Variants in SHISA6 observed in about 807,000 individuals in gnomAD.
SHISA6 encodes shisa family member 6, also known as protein shisa-6.
SHISA6 carries 22 observed loss-of-function variants against 47.9 expected under a neutral mutation model. The observed-to-expected ratio is 0.46, with a 90% CI of 0.33 to 0.66. The LOEUF (loss-of-function observed/expected upper bound fraction) is 0.66, where lower values mean the gene tolerates loss of function less well. Ranked by LOEUF, SHISA6 falls within the 30% of genes least tolerant of loss-of-function variation. The pLI, the probability that SHISA6 is intolerant of heterozygous loss-of-function variation, is 0.02. For missense variants in SHISA6, 680 were observed against 764.6 expected, an observed-to-expected ratio of 0.89 and a Z score of 1.30; for synonymous variants, 388 against 337.8, an observed-to-expected ratio of 1.15 and a Z score of -1.63.
intron 3 of SHISA6, among the ~76,000 whole-genome samples, chr17:11,497,604 T>A (rs2071419400): frequency 2.0e-5 from 3 of 152,208 alleles, no homozygotes; most frequent in Admixed American, 2.0e-4. Context: ...AGCAAACATT[T>A]GTTCAAAATC....
At chr17:11,444,058 C>T (rs1314442960) in intron 3 of SHISA6, among the ~76,000 whole-genome samples, 3 of 152,116 alleles carry the variant, frequency 2.0e-5, no homozygotes, top group African/African-American at 7.2e-5. Context: ...GTGGCTCACA[C>T]CTGTAATCCC....
chr17:11,439,628 G>C (rs1457670470), intron 3 of SHISA6, among the ~76,000 whole-genome samples: 1 of 152,142 alleles, frequency 6.6e-6, no homozygotes, highest in Non-Finnish European at 1.5e-5. Context: ...AATTCTAAAT[G>C]CCATCTACAA....
chr17:11,253,272 C>T (rs952478082), intron 1 of SHISA6, among the ~76,000 whole-genome samples: 1 of 151,286 alleles, frequency 6.6e-6, no homozygotes, highest in African/African-American at 2.4e-5. Context: ...GATTTAGATG[C>T]CACTAATTCA....
At chr17:11,383,900 A>G (rs1913113274) in intron 3 of SHISA6, among the ~76,000 whole-genome samples, 1 of 152,168 alleles carries the variant, frequency 6.6e-6, no homozygotes. Flanking sequence ...CCAACACTGG[A>G]ACCCAGAATG....
At chr17:11,322,335 T>C (rs1910743198) in intron 2 of SHISA6, among the ~76,000 whole-genome samples, 1 of 152,218 alleles carries the variant, frequency 6.6e-6, no homozygotes, top group Admixed American at 6.5e-5. Context: ...CACCTAGATA[T>C]TCAGGTTTCC....
chr17:11,550,447 A>G (rs2071921401), intron 3 of SHISA6, among the ~76,000 whole-genome samples: 1 of 152,190 alleles, frequency 6.6e-6, no homozygotes, highest in South Asian at 2.1e-4. Context: ...GGGAATTCAC[A>G]GGATTTGTCT....
chr17:11,526,880 C>CATATAT (rs149856154), intron 3 of SHISA6, among the ~76,000 whole-genome samples: 25 of 111,902 alleles, frequency 2.2e-4, no homozygotes, highest in Non-Finnish European at 3.5e-4. Flanking sequence ...TATCTATCAT[C>CATATAT]ATATATATAT....
Position 11,292,269 on chromosome 17 carries a change from A to G in SHISA6, c.799+28743A>G, listed in dbSNP as rs1425557260. ...GGCATTAACATATGAATTTTGTCAT[A>G]ATGCCCTCCCTCCCCTTTCCCCCTA... On this transcript the variant is annotated intron_variant, in intron 2 of 5. Coordinates refer to ENST00000441885, the MANE Select transcript of SHISA6 (RefSeq NM_207386.4). 2.0e-5 allele frequency among the ~76,000 whole-genome samples: 3 copies of G among 152,100 alleles called. No individual in the cohort carries two copies. In the East Asian group the frequency reaches 5.8e-4, roughly 29 times the overall value.
intron 3 of SHISA6, among the ~76,000 whole-genome samples, chr17:11,482,083 G>GA (rs1916237488): frequency 6.6e-6 from 1 of 151,968 alleles, no homozygotes; most frequent in Non-Finnish European, 1.5e-5. Context: ...TAGGAGACCA[G>GA]AAAAATGGAA....
intron 2 of SHISA6, among the ~76,000 whole-genome samples, chr17:11,282,929 G>A (rs965199787): frequency 1.3e-5 from 2 of 152,274 alleles, no homozygotes; most frequent in African/African-American, 2.4e-5. Context: ...TTTATAGAGT[G>A]GAGAGCTCAA....
At chr17:11,316,748 T>G (rs1339548474) in intron 2 of SHISA6, among the ~76,000 whole-genome samples, 2 of 152,182 alleles carry the variant, frequency 1.3e-5, no homozygotes, top group Non-Finnish European at 2.9e-5. Context: ...AGACTTAGTT[T>G]CGTTCATTCT....
At chr17:11,459,005 A>G (rs922104796) in intron 3 of SHISA6, among the ~76,000 whole-genome samples, 7 of 151,842 alleles carry the variant, frequency 4.6e-5, no homozygotes, top group Non-Finnish European at 8.8e-5. Flanking sequence ...GGATCAGGAG[A>G]TCGAGACCAT....
intron 3 of SHISA6, among the ~76,000 whole-genome samples, chr17:11,531,640 A>C (rs2071734049): frequency 6.6e-6 from 1 of 152,194 alleles, no homozygotes. Context: ...AATATATGTA[A>C]AGAACCTAGT....
intron 2 of SHISA6, among the ~76,000 whole-genome samples, chr17:11,363,472 G>A (rs55675528): frequency 0.16 from 24,126 of 152,102 alleles, 2,032 homozygotes; most frequent in East Asian, 0.23. Flanking sequence ...GTTTTCTACT[G>A]AAAGAGTAAA....
chr17:11,446,500 C>T (rs1915241932), intron 3 of SHISA6, among the ~76,000 whole-genome samples: 2 of 152,210 alleles, frequency 1.3e-5, no homozygotes, highest in African/African-American at 4.8e-5. Flanking sequence ...TAGAATAGAA[C>T]ATTTCTAATC....
intron 3 of SHISA6, among the ~76,000 whole-genome samples, chr17:11,484,787 A>G (rs1442676180): frequency 6.6e-6 from 1 of 152,212 alleles, no homozygotes; most frequent in Admixed American, 6.5e-5. Flanking sequence ...AACATTATAA[A>G]AACTTTAAAA....
intron 3 of SHISA6, among the ~76,000 whole-genome samples, chr17:11,432,123 C>G (rs1322250578): frequency 6.6e-6 from 1 of 152,118 alleles, no homozygotes; most frequent in Non-Finnish European, 1.5e-5. Context: ...GTTGAGAGAT[C>G]AGAGAAGAAA....
rs1055134655 is a variant in SHISA6, at chr17:11,557,742, T to C, written c.1106-12T>C. ...CCCAGTTGCCTTCTCTCACTCTGTC[T>C]CTCCCCTGCAGCCGACAAGGAGGCT... is the stretch of plus-strand genomic sequence containing the variant. On this transcript the variant is annotated splice_polypyrimidine_tract_variant and intron_variant, in intron 5 of 5. Coordinates refer to ENST00000441885, the MANE Select transcript of SHISA6 (RefSeq NM_207386.4). 2.6e-6 allele frequency: 4 copies of C among 1,526,996 alleles called. No homozygotes were observed. The highest frequency in any genetic ancestry group is 3.5e-6 in the Non-Finnish European group (4 of 1,133,956). 94.6% of individuals were successfully genotyped at this position (1,526,996 alleles called of 1,614,324 possible). A position where few individuals can be genotyped will look rare whatever the true frequency, so the allele number is the denominator to read the frequency against.
chr17:11,418,187 G>A (rs1914340403), intron 3 of SHISA6, among the ~76,000 whole-genome samples: 1 of 152,110 alleles, frequency 6.6e-6, no homozygotes, highest in African/African-American at 2.4e-5. Flanking sequence ...ATTTTTAATT[G>A]TTATGATGGA....
Sources: gnomAD v4.1 joint callset for allele counts (sites outside exome capture counted in the v4.1 genomes callset) on GRCh38, gnomAD v4.1.1 for gene constraint, MANE v1.5 for transcripts, NCBI Gene and HGNC (gene_info 2026-07-23, HGNC 2026-07-21) for gene names.